Variants in C1QTNF6 observed in about 807,000 individuals in gnomAD.
C1QTNF6 encodes C1q and TNF related 6.
Under a neutral mutation model 20.7 loss-of-function variants are expected in C1QTNF6, and 17 were observed. The ratio of observed to expected loss-of-function variants is 0.82; its 90% CI spans 0.56 to 1.23. C1QTNF6 has a LOEUF of 1.23. Ranked by LOEUF, C1QTNF6 falls within the 50% of genes most tolerant of loss-of-function variation. The probability of loss-of-function intolerance (pLI) is 0.00; values close to 1 mark genes in which losing one functional copy is unlikely to be tolerated. For synonymous variants in C1QTNF6, 130 were observed against 156.3 expected (o/e 0.83, Z 1.25); for missense variants, 329 against 389.7 (o/e 0.84, Z 1.31).
intron 1 of C1QTNF6, chr22:37,185,981 G>A: frequency 1.0e-6 from 1 of 985,774 alleles, no homozygotes; most frequent in Non-Finnish European, 1.2e-6. Flanking sequence ...GAGGGTTCTG[G>A]AGGCTTGTTC....
Position 37,181,949 on chromosome 22 carries a change from T to G in C1QTNF6, c.*239A>C. The G allele has an allele frequency of 1.9e-6, 1 of 533,962 alleles. No individual in the cohort carries two copies. The highest frequency in any genetic ancestry group is 2.6e-5 in the South Asian group (1 of 37,832). The allele number at this position is 533,962 out of a possible 1,614,324, so 33.1% of individuals were successfully genotyped here. On this transcript the variant is annotated 3_prime_UTR_variant, in exon 3 of 3. Transcript: ENST00000337843. ...TTTGAGAAGTGCTGGGCTACGAGGC[T>G]GGGAAAGTTCTAGAATATTTAGGTT... is the stretch of plus-strand genomic sequence containing the variant.
chr22:37,187,351 T>C (rs562036106), intron 1 of C1QTNF6, among the ~76,000 whole-genome samples: 1 of 152,286 alleles, frequency 6.6e-6, no homozygotes, highest in Admixed American at 6.5e-5. Flanking sequence ...AAAATTCCCT[T>C]CTTTTTCCCA....
rs111465350 is a variant in C1QTNF6, at chr22:37,188,106, G to A, written c.51+57C>T. On this transcript the variant is annotated intron_variant, in intron 1 of 2. Coordinates refer to ENST00000337843, the MANE Select transcript of C1QTNF6 (RefSeq NM_031910.4). Reference sequence around the variant, plus strand: ...GCTTCCAGGAAGCAAGGAGGGAGGAGAGGAATTCCAGGCTCTGACCCCAGC... The same window carrying A: ...GCTTCCAGGAAGCAAGGAGGGAGGAAAGGAATTCCAGGCTCTGACCCCAGC... 4.9e-5 allele frequency: 76 copies of A among 1,549,510 alleles called. No homozygotes were observed. The African/African-American group carries it at 9.1e-4, about 19-fold the overall frequency.
chr22:37,186,441 A>G (rs748374543), intron 1 of C1QTNF6, among the ~76,000 whole-genome samples: 1 of 152,246 alleles, frequency 6.6e-6, no homozygotes, highest in African/African-American at 2.4e-5. Flanking sequence ...GGTTGTGTCA[A>G]TCATCGTAGA....
At position 37,185,113 on chromosome 22, in the gene C1QTNF6, G is replaced by A. The variant is rs906579559; in HGVS notation, c.289+105C>T. On this transcript the variant is annotated intron_variant, in intron 2 of 2. Coordinates refer to ENST00000337843, the MANE Select transcript of C1QTNF6 (RefSeq NM_031910.4). Reference sequence around the variant, plus strand: ...CTCACATTGGGGCTCAATAACTCAGGATGAAAGAGGAGTCTGGACAGGTTT... The same window carrying A: ...CTCACATTGGGGCTCAATAACTCAGAATGAAAGAGGAGTCTGGACAGGTTT... 4.1e-6 allele frequency: 6 copies of A among 1,454,652 alleles called. No individual in the cohort carries two copies. In the African/African-American group the frequency reaches 8.6e-5, roughly 21 times the overall value. 90.1% of individuals were successfully genotyped at this position (1,454,652 alleles called of 1,614,324 possible).
intron 1 of C1QTNF6, among the ~76,000 whole-genome samples, chr22:37,186,493 G>A (rs774116315): frequency 3.9e-5 from 6 of 152,224 alleles, no homozygotes; most frequent in Non-Finnish European, 7.3e-5. Flanking sequence ...GAATTAAGGG[G>A]TAGGACTAGG....
chr22:37,182,936 G>A (rs1923933953), intron 2 of C1QTNF6: 1 of 1,428,104 alleles, frequency 7.0e-7, no homozygotes, highest in African/African-American at 1.4e-5. Context: ...ACTTCACAGA[G>A]AGGGTGAGTG....
chr22:37,185,473 G>A lies in C1QTNF6; in HGVS notation c.52-18C>T. The stretch of plus-strand genomic sequence containing the variant: ...ATGGTGACCTGGAACAAGGAAGGAG[G>A]GACAGGAACTATACTTCACTCAACA... On this transcript the variant is annotated intron_variant, in intron 1 of 2. Transcript: ENST00000337843. 1 of 1,582,178 alleles carries A rather than the reference G, an allele frequency of 6.3e-7. No homozygotes were observed. The highest frequency in any genetic ancestry group is 8.6e-7 in the Non-Finnish European group (1 of 1,162,840).
At chr22:37,197,930 C>G (rs888539788), upstream of C1QTNF6, 3 of 152,330 alleles carry the variant, frequency 2.0e-5, no homozygotes, top group African/African-American at 4.8e-5. Context: ...GCAAGTTTAC[C>G]TCTCTGAGCC....
chr22:37,188,110 A>G, intron 1 of C1QTNF6, 53 bp downstream of exon 1: 1 of 1,555,268 alleles, frequency 6.4e-7, no homozygotes, highest in South Asian at 1.2e-5. Flanking sequence ...GGAGGAGAGG[A>G]ATTCCAGGCT....
Position 37,182,653 on chromosome 22 carries a change from G to T in C1QTNF6, c.372C>A (p.Gly124=). Residue 124 remains glycine (G), a synonymous_variant, in exon 3 of 3, where the codon GGC becomes GGA. Transcript: ENST00000337843. ...CCATCTCCCCCTTGTCACCCTTGCT[G>T]CCCTGAGGGCCAGGCTCCCCTTGGG... ...EGPQGEPGPQ[G]SKGDKGEMGS... is the part of the protein sequence containing the mutation. 6.2e-7 allele frequency: 1 copy of T among 1,613,238 alleles called. No individual in the cohort carries two copies. The highest frequency in any genetic ancestry group is 8.5e-7 in the Non-Finnish European group (1 of 1,180,008).
At chr22:37,194,464 G>C (rs1044835468) in intron 2 of C1QTNF6, among the ~76,000 whole-genome samples, 7 of 152,136 alleles carry the variant, frequency 4.6e-5, no homozygotes, top group African/African-American at 1.4e-4. Flanking sequence ...AGCCTGACTG[G>C]TAAGAAATTC....
rs557811340 is a variant in C1QTNF6, at chr22:37,194,058, C to A, written n.224+1323G>T. On this transcript the variant is annotated intron_variant and non_coding_transcript_variant, in intron 2 of 4. Coordinates refer to the C1QTNF6 transcript ENST00000467564. Reference sequence around the variant, plus strand: ...ATTTTTAGGGCTATCACATGAAGCCCCAGCTTCCTGTCGTCTGGATGGTGG... The same window carrying A: ...ATTTTTAGGGCTATCACATGAAGCCACAGCTTCCTGTCGTCTGGATGGTGG... Among the ~76,000 whole-genome samples the A allele has an allele frequency of 1.9e-3, 289 of 152,260 alleles. 4 individuals carry two copies. Among genetic ancestry groups the A allele is most frequent in the African/African-American group, 5.7e-3 (236 of 41,544 alleles).
At chr22:37,183,919 G>A (rs1375794151) in intron 2 of C1QTNF6, among the ~76,000 whole-genome samples, 2 of 152,170 alleles carry the variant, frequency 1.3e-5, no homozygotes, top group Non-Finnish European at 2.9e-5. Flanking sequence ...TGACTCACTG[G>A]GCAAGGGGGC....
upstream of C1QTNF6, chr22:37,191,704 ACT>A (rs1212226455): frequency 5.4e-4 from 82 of 152,224 alleles, no homozygotes; most frequent in Admixed American, 5.4e-3. Flanking sequence ...TCCAAAAAAA[ACT>A]GTCTCTTTTC....
At chr22:37,188,273 G>C (rs1211085372), upstream of C1QTNF6, 1 of 1,490,432 alleles carries the variant, frequency 6.7e-7, no homozygotes. Context: ...CAGACCCCCA[G>C]GCCCAGCAGA....
chr22:37,192,081 T>C (rs1924857172), upstream of C1QTNF6, among the ~76,000 whole-genome samples: 1 of 152,210 alleles, frequency 6.6e-6, no homozygotes, highest in Admixed American at 6.5e-5. Flanking sequence ...TTTTACAAGA[T>C]TAATCTTTCA....
In C1QTNF6 at chr22:37,184,949, T is replaced by C. The variant is rs572357162; in HGVS notation, c.289+269A>G. ...TCATTTCCCAGAGCACTGATCACCA[T>C]CGAACATTCCACTCCACTAACTTAG... is the stretch of plus-strand genomic sequence containing the variant. On this transcript the variant is annotated intron_variant, in intron 2 of 2. Coordinates refer to ENST00000337843, the MANE Select transcript of C1QTNF6 (RefSeq NM_031910.4). The surrounding 1 kb of genome is among the most constrained non-coding windows in gnomAD (Gnocchi z 4.0). 6.6e-6 allele frequency among the ~76,000 whole-genome samples: 1 copy of C among 152,056 alleles called. No homozygotes were observed. Among genetic ancestry groups the C allele is most frequent in the African/African-American group, 2.4e-5 (1 of 41,476 alleles).
upstream of C1QTNF6, among the ~76,000 whole-genome samples, chr22:37,189,011 T>C (rs1924632111): frequency 6.6e-6 from 1 of 152,226 alleles, no homozygotes; most frequent in Non-Finnish European, 1.5e-5. Context: ...GCTAGTTGGC[T>C]ATTTTTATAG....
Sources: gnomAD v4.1 joint callset for allele counts (sites outside exome capture counted in the v4.1 genomes callset) on GRCh38, gnomAD v4.1.1 for gene constraint, Gnocchi (gnomAD v3.1) non-coding constraint, MANE v1.5 for transcripts, NCBI Gene and HGNC (gene_info 2026-07-23, HGNC 2026-07-21) for gene names.